The following FRMD5 variants were observed in gnomAD, a reference collection of about 807,000 sequenced individuals.
FRMD5 encodes FERM domain containing 5.
A neutral mutation model predicts 69.0 loss-of-function variants in FRMD5; 20 were observed. The ratio of observed to expected loss-of-function variants is 0.29; its 90% CI spans 0.20 to 0.42. The LOEUF (loss-of-function observed/expected upper bound fraction) is 0.42, where lower values mean the gene tolerates loss of function less well. FRMD5 is among the 10% of genes least tolerant of loss of function. The pLI is 1.00. For synonymous variants in FRMD5, 271 were observed against 260.1 expected (o/e 1.04, Z -0.40); for missense variants, 595 against 708.6 (o/e 0.84, Z 1.82).
chr15:44,191,905 A>G (rs1328304052), intron 1 of FRMD5, among the ~76,000 whole-genome samples: 1 of 57,124 alleles, frequency 1.8e-5, no homozygotes, highest in Non-Finnish European at 3.1e-5. Context: ...ATATATATAT[A>G]TATATATATA....
At chr15:44,173,115 A>C (rs1363646481) in intron 1 of FRMD5, among the ~76,000 whole-genome samples, 1 of 152,232 alleles carries the variant, frequency 6.6e-6, no homozygotes, top group African/African-American at 2.4e-5. Context: ...ACAGACCAAC[A>C]AATGGGCTTG....
At chr15:44,045,618 C>T (rs1285789363) in intron 1 of FRMD5, among the ~76,000 whole-genome samples, 1 of 152,004 alleles carries the variant, frequency 6.6e-6, no homozygotes, top group African/African-American at 2.4e-5. Flanking sequence ...GACAATAAAA[C>T]TAGTAATAAA....
intron 1 of FRMD5, among the ~76,000 whole-genome samples, chr15:43,943,031 C>T (rs1016693593): frequency 1.3e-5 from 2 of 152,264 alleles, no homozygotes; most frequent in South Asian, 4.2e-4. Context: ...CACCTGAGGT[C>T]GGGAGTTCAA....
chr15:43,997,202 G>A (rs563658894), intron 1 of FRMD5, among the ~76,000 whole-genome samples: 8 of 152,182 alleles, frequency 5.3e-5, no homozygotes, highest in Middle Eastern at 3.4e-3. Flanking sequence ...GGCCTGAAGG[G>A]TAACTCCCAA....
At chr15:44,143,102 A>AG (rs1555408351) in intron 1 of FRMD5, among the ~76,000 whole-genome samples, 1 of 152,134 alleles carries the variant, frequency 6.6e-6, no homozygotes, top group African/African-American at 2.4e-5. Context: ...AAAAAAAAAA[A>AG]GAAAAAAGAA....
At chr15:43,907,512 A>G (rs1595505275) in intron 5 of FRMD5, among the ~76,000 whole-genome samples, 1 of 147,738 alleles carries the variant, frequency 6.8e-6, no homozygotes, top group African/African-American at 2.5e-5. Context: ...CTACAGGTGC[A>G]CACCCCAGGC....
At chr15:43,891,109 G>A (rs988988317) in intron 8 of FRMD5, among the ~76,000 whole-genome samples, 4 of 152,170 alleles carry the variant, frequency 2.6e-5, no homozygotes, top group Non-Finnish European at 4.4e-5. Context: ...GGCAGTCTGA[G>A]GCCCAGGAAG....
chr15:44,080,949 C>T (rs958354930), intron 1 of FRMD5, among the ~76,000 whole-genome samples: 1 of 152,002 alleles, frequency 6.6e-6, no homozygotes, highest in African/African-American at 2.4e-5. Flanking sequence ...TTTCAGTCTC[C>T]ATTTTACTAT....
chr15:44,055,500 T>C (rs979791956), intron 1 of FRMD5, among the ~76,000 whole-genome samples: 1 of 152,178 alleles, frequency 6.6e-6, no homozygotes, highest in African/African-American at 2.4e-5. Context: ...ACTGACACTA[T>C]ACTATCAACA....
At chr15:43,884,075 G>A (rs930827600) in intron 12 of FRMD5, among the ~76,000 whole-genome samples, 3 of 152,112 alleles carry the variant, frequency 2.0e-5, no homozygotes, top group African/African-American at 7.2e-5. Flanking sequence ...TCTCTGGGGT[G>A]GGGGCAAGAC....
At chr15:44,030,026 T>C (rs901587398) in intron 1 of FRMD5, among the ~76,000 whole-genome samples, 2 of 152,162 alleles carry the variant, frequency 1.3e-5, no homozygotes, top group African/African-American at 4.8e-5. Context: ...AACAAACAAA[T>C]CACAAATTCT....
chr15:43,987,551 T>C (rs1045028190), intron 1 of FRMD5, among the ~76,000 whole-genome samples: 5 of 152,136 alleles, frequency 3.3e-5, no homozygotes, highest in Admixed American at 1.3e-4. Context: ...TTTATTTCTA[T>C]TATTACTTTT....
chr15:44,078,376 A>G (rs543173895), intron 1 of FRMD5, among the ~76,000 whole-genome samples: 23 of 152,252 alleles, frequency 1.5e-4, no homozygotes, highest in African/African-American at 5.5e-4. Flanking sequence ...TAAAAATGTC[A>G]TAGAGGACTT....
chr15:44,121,988 C>CAAA (rs34129381), intron 1 of FRMD5, among the ~76,000 whole-genome samples: 1 of 69,992 alleles, frequency 1.4e-5, no homozygotes, highest in African/African-American at 4.8e-5. Context: ...AAGGGAGACT[C>CAAA]AAAAAAAAAA....
At chr15:43,958,845 G>A (rs2090154613) in intron 1 of FRMD5, among the ~76,000 whole-genome samples, 2 of 152,114 alleles carry the variant, frequency 1.3e-5, no homozygotes, top group Non-Finnish European at 2.9e-5. Context: ...TTTCCCGTGT[G>A]GTGGTCTCTA....
At chr15:44,033,153 A>G (rs1252281890) in intron 1 of FRMD5, among the ~76,000 whole-genome samples, 1 of 152,224 alleles carries the variant, frequency 6.6e-6, no homozygotes, top group Non-Finnish European at 1.5e-5. Flanking sequence ...GTGGTAGCTA[A>G]ATGATAAAAT....
chr15:44,183,316 G>C (rs1440193114), intron 1 of FRMD5, among the ~76,000 whole-genome samples: 1 of 152,134 alleles, frequency 6.6e-6, no homozygotes, highest in African/African-American at 2.4e-5. Flanking sequence ...TTATCCTGTA[G>C]GCAATGGGAA....
At chr15:44,000,166 T>C (rs1030427386) in intron 1 of FRMD5, among the ~76,000 whole-genome samples, 2 of 151,660 alleles carry the variant, frequency 1.3e-5, no homozygotes, top group African/African-American at 4.9e-5. Flanking sequence ...TTTTTATTTT[T>C]TTGTAGAGAC....
At chr15:44,066,593 G>T (rs760139139) in intron 1 of FRMD5, among the ~76,000 whole-genome samples, 1 of 152,168 alleles carries the variant, frequency 6.6e-6, no homozygotes, top group Non-Finnish European at 1.5e-5. Flanking sequence ...TATCAGAGTT[G>T]AGAGAACATG....
Sources: allele counts gnomAD v4.1 joint callset (sites outside exome capture counted in the v4.1 genomes callset), GRCh38; gene constraint gnomAD v4.1.1; transcripts MANE v1.5; gene names NCBI Gene and HGNC (gene_info 2026-07-23, HGNC 2026-07-21).